MCF2: variants seen among roughly 807,000 people sequenced by gnomAD.
The protein encoded by MCF2 is MCF.2 cell line derived transforming sequence.
In MCF2, 44 loss-of-function variants were observed where a neutral mutation model predicts 82.5. The observed-to-expected ratio is 0.53, with a 90% CI of 0.42 to 0.69. The LOEUF is 0.69. Ranked by LOEUF, MCF2 falls within the 30% of genes least tolerant of loss-of-function variation. The pLI, the probability that MCF2 is intolerant of heterozygous loss-of-function variation, is 0.00. For missense variants in MCF2, 623 were observed against 663.1 expected (o/e 0.94, Z 0.66); for synonymous variants, 217 against 224.9 (o/e 0.96, Z 0.32).
chrX:139,635,453 C>A (rs962639697), intron 1 of MCF2, among the ~76,000 whole-genome samples: 2 of 111,038 alleles, frequency 1.8e-5, no homozygotes, highest in East Asian at 5.7e-4. Flanking sequence ...GCCAGGAGTT[C>A]GAGACCAGCC....
chrX:139,653,125 T>C (rs954515704), intron 1 of MCF2, among the ~76,000 whole-genome samples: 4 of 112,151 alleles, frequency 3.6e-5, no homozygotes, highest in Non-Finnish European at 7.5e-5. Context: ...CTCGCAGTTA[T>C]TCTTTCCATG....
chrX:139,614,505 ATATGTGTGTGTGTGTGTG>A (rs1391054414), intron 10 of MCF2, among the ~76,000 whole-genome samples: 46 of 46,049 alleles, frequency 1.0e-3, no homozygotes, highest in African/African-American at 6.8e-3. Flanking sequence ...GTAGCAGTAA[ATATGTGTGTGTGTGTGTG>A]TGTGTGTGTG....
chrX:139,670,036 A>G (rs1002804048), intron 1 of MCF2, among the ~76,000 whole-genome samples: 2 of 111,969 alleles, frequency 1.8e-5, no homozygotes, highest in African/African-American at 6.5e-5. Context: ...GGTAAATTGT[A>G]TTATACGTGT....
chrX:139,615,087 A>G, intron 9 of MCF2, 35 bp from the exon 13 acceptor site: 1 of 1,125,579 alleles, frequency 8.9e-7, no homozygotes, highest in East Asian at 3.0e-5. Context: ...GAAATATTTT[A>G]TGAAATGAGG....
chrX:139,667,194 T>A (rs1456921668), intron 1 of MCF2, among the ~76,000 whole-genome samples: 1 of 92,218 alleles, frequency 1.1e-5, no homozygotes, highest in African/African-American at 4.7e-5. Context: ...ATATTTTGAA[T>A]TCTTTTTTTT....
At chrX:139,665,231 C>G (rs1934475874) in intron 1 of MCF2, among the ~76,000 whole-genome samples, 2 of 111,145 alleles carry the variant, frequency 1.8e-5, no homozygotes, top group Non-Finnish European at 3.8e-5. Flanking sequence ...GCTCTGAACC[C>G]AACTCCACAC....
At chrX:139,706,335 G>A (rs1935588801) in intron 1 of MCF2, among the ~76,000 whole-genome samples, 1 of 112,395 alleles carries the variant, frequency 8.9e-6, no homozygotes, top group Non-Finnish European at 1.9e-5. Context: ...AGTGGTAAAT[G>A]GGATAAAGAA....
chrX:139,644,931 C>T (rs1702293774), upstream of MCF2, among the ~76,000 whole-genome samples: 1 of 111,485 alleles, frequency 9.0e-6, no homozygotes, highest in East Asian at 2.8e-4. Flanking sequence ...AAGTGTCAAA[C>T]AATTTTGTGA....
chrX:139,624,153 C>G (rs1252133533), intron 6 of MCF2, among the ~76,000 whole-genome samples: 1 of 111,361 alleles, frequency 9.0e-6, no homozygotes, highest in African/African-American at 3.3e-5. Context: ...GGACACTTCA[C>G]TAATGTGGTA....
intron 1 of MCF2, among the ~76,000 whole-genome samples, chrX:139,681,933 T>C (rs1352033813): frequency 4.4e-5 from 5 of 112,361 alleles, no homozygotes; most frequent in Non-Finnish European, 9.4e-5. Flanking sequence ...TATGGGCATT[T>C]GTTTTGTTTA....
At chrX:139,622,141 A>C (rs948992197) in intron 6 of MCF2, among the ~76,000 whole-genome samples, 6 of 112,455 alleles carry the variant, frequency 5.3e-5, no homozygotes, top group East Asian at 2.8e-4. Context: ...GCTCATCATC[A>C]CTGGCCATCA....
chrX:139,648,711 T>C (rs1268810370), intron 2 of MCF2, among the ~76,000 whole-genome samples: 2 of 111,763 alleles, frequency 1.8e-5, no homozygotes, highest in South Asian at 7.4e-4. Flanking sequence ...AAGCAAAGGA[T>C]AGAAAAAGAT....
At chrX:139,617,889 AC>A (rs1179947954) in intron 7 of MCF2, among the ~76,000 whole-genome samples, 185 bp from the exon 11 acceptor site, 1 of 110,571 alleles carries the variant, frequency 9.0e-6, no homozygotes, top group East Asian at 2.8e-4. Flanking sequence ...AAAAACAAAA[AC>A]AAAAACTTAC....
rs775379802 is a variant in MCF2 at position 139,588,486 on chromosome X, T to C, written c.2371-48A>G. ...GAGGGAGGTGGTACACATTTCCTTTTAAAAAGGATGTACTATAATAAAACA... is the reference window on the plus strand; with the variant it reads ...GAGGGAGGTGGTACACATTTCCTTTCAAAAAGGATGTACTATAATAAAACA... On this transcript the variant is annotated intron_variant, in intron 20 of 24. Coordinates refer to ENST00000370576, the Ensembl canonical transcript of MCF2. 1.0e-5 allele frequency: 8 copies of C among 793,226 alleles called. No homozygotes were observed. The Admixed American group carries it at 1.9e-4, about 19-fold the overall frequency. The allele number at this position is 793,226 out of a possible 1,213,427, so 65.4% of individuals were successfully genotyped here. A position where few individuals can be genotyped will look rare whatever the true frequency, so the allele number is the denominator to read the frequency against.
rs55815812 is a variant in MCF2, at chrX:139,604,785, T to C, written c.1674-35A>G. ...TTTCAGAGAAAAAAAATTGCATGAT[T>C]TTATGTGAAATATAATAAACTGGTA... On this transcript the variant is annotated intron_variant, in intron 14 of 24. Coordinates refer to ENST00000370576, the Ensembl canonical transcript of MCF2. 8.2e-3 allele frequency: 9,220 copies of C among 1,123,865 alleles called. 41 individuals carry two copies. Among genetic ancestry groups the C allele is most frequent in the Middle Eastern group, 0.014 (54 of 3,834 alleles). 92.6% of individuals were successfully genotyped at this position (1,123,865 alleles called of 1,213,427 possible). A position where few individuals can be genotyped will look rare whatever the true frequency, so the allele number is the denominator to read the frequency against.
At chrX:139,663,093 C>T (rs61467583) in intron 1 of MCF2, among the ~76,000 whole-genome samples, 1 of 112,250 alleles carries the variant, frequency 8.9e-6, no homozygotes, top group African/African-American at 3.2e-5. Context: ...AATAATGCTG[C>T]AATAAACATG....
chrX:139,584,451 G>A (rs1442395094), intron 24 of MCF2, among the ~76,000 whole-genome samples: 1 of 111,048 alleles, frequency 9.0e-6, no homozygotes, highest in Admixed American at 9.6e-5. Flanking sequence ...GAAAAGTAGG[G>A]ATTTACTCCC....
At chrX:139,618,517 TA>T (rs1692433340) in intron 7 of MCF2, among the ~76,000 whole-genome samples, 1 of 111,273 alleles carries the variant, frequency 9.0e-6, no homozygotes, top group Non-Finnish European at 1.9e-5. Flanking sequence ...GAAAAATTAT[TA>T]AATGGAAAAA....
chrX:139,582,519 C>T lies in MCF2; in HGVS notation c.2746-16G>A. The stretch of plus-strand genomic sequence containing the variant: ...ACACAGGTCTCTACAAGGGAAGCAG[C>T]ACCCATTATTGCTCAGTTTACAACT... On this transcript the variant is annotated splice_polypyrimidine_tract_variant and intron_variant, in intron 24 of 24. Transcript: ENST00000370576. 1 of 1,173,669 alleles carries T rather than the reference C, an allele frequency of 8.5e-7. No homozygotes were observed.
Sources: gnomAD v4.1 joint callset for allele counts (sites outside exome capture counted in the v4.1 genomes callset) on GRCh38, gnomAD v4.1.1 for gene constraint, MANE v1.5 for transcripts, NCBI Gene and HGNC (gene_info 2026-07-23, HGNC 2026-07-21) for gene names.